SAMD4A: variants seen among roughly 807,000 people sequenced by gnomAD.
SAMD4A encodes the protein sterile alpha motif domain containing 4A, also known as protein Smaug homolog 1.
SAMD4A carries 33 observed loss-of-function variants against 81.3 expected under a neutral mutation model. The ratio of observed to expected loss-of-function variants is 0.41; its 90% CI spans 0.31 to 0.54. The LOEUF (loss-of-function observed/expected upper bound fraction) is 0.54. Ranked by LOEUF, SAMD4A falls within the 20% of genes least tolerant of loss-of-function variation. SAMD4A has a pLI of 0.37. For synonymous variants in SAMD4A, 389 were observed against 382.1 expected (o/e 1.02, Z -0.21); for missense variants, 854 against 951.1 (o/e 0.90, Z 1.34).
At chr14:54,714,205 T>A (rs923104163) in intron 3 of SAMD4A, among the ~76,000 whole-genome samples, 2 of 152,216 alleles carry the variant, frequency 1.3e-5, no homozygotes, top group Non-Finnish European at 2.9e-5. Flanking sequence ...AATACGTTAC[T>A]GTCTTTGATT....
At chr14:54,660,085 A>C (rs8022135) in intron 2 of SAMD4A, among the ~76,000 whole-genome samples, 1 of 151,244 alleles carries the variant, frequency 6.6e-6, no homozygotes, top group East Asian at 1.9e-4. Context: ...GTCTCAGAAA[A>C]AAAAAAAAAA....
In SAMD4A at chr14:54,590,438, C is replaced by T. The variant is rs191724078; in HGVS notation, c.196+22326C>T. On this transcript the variant is annotated intron_variant, in intron 2 of 12. Coordinates refer to ENST00000554335, the MANE Select transcript of SAMD4A (RefSeq NM_015589.6). ...CCCAGGAGGTCGAGGCTGCAGTGAG[C>T]CAAGATTGTGCCACTGAACTCCAGC... is the stretch of plus-strand genomic sequence containing the variant. Among the ~76,000 whole-genome samples, 5 of 152,218 alleles carry T rather than the reference C, an allele frequency of 3.3e-5. No homozygotes were observed. In the East Asian group the frequency reaches 9.7e-4, roughly 29 times the overall value.
intron 2 of SAMD4A, among the ~76,000 whole-genome samples, chr14:54,656,298 T>TC (rs2035520028): frequency 6.6e-6 from 1 of 152,222 alleles, no homozygotes; most frequent in African/African-American, 2.4e-5. Flanking sequence ...AGTTGACTAT[T>TC]CCTTGTTGAC....
At chr14:54,732,627 C>T (rs559174783) in intron 3 of SAMD4A, among the ~76,000 whole-genome samples, 98 of 152,178 alleles carry the variant, frequency 6.4e-4, no homozygotes, top group Middle Eastern at 3.4e-3. Flanking sequence ...CGCAATGTAT[C>T]TTTGACAAAT....
chr14:54,701,993 C>T, intron 2 of SAMD4A, 69 bp from the exon 3 acceptor site: 1 of 1,506,828 alleles, frequency 6.6e-7, no homozygotes, highest in Non-Finnish European at 9.0e-7. Context: ...TAAAAATTCT[C>T]TTTAGAGTAT....
chr14:54,649,125 T>C (rs1253894764), intron 2 of SAMD4A, among the ~76,000 whole-genome samples: 1 of 152,200 alleles, frequency 6.6e-6, no homozygotes, highest in Non-Finnish European at 1.5e-5. Flanking sequence ...CCAAACAAGA[T>C]AAAGTTTTGG....
At chr14:54,588,796 A>G (rs1005191288) in intron 2 of SAMD4A, among the ~76,000 whole-genome samples, 1 of 152,010 alleles carries the variant, frequency 6.6e-6, no homozygotes, top group Non-Finnish European at 1.5e-5. Context: ...ACTCTTTGTC[A>G]TATATATGGA....
intron 2 of SAMD4A, among the ~76,000 whole-genome samples, chr14:54,575,529 G>A (rs950589871): frequency 5.3e-5 from 8 of 152,130 alleles, no homozygotes; most frequent in African/African-American, 1.9e-4. Flanking sequence ...TGGAAGGCAG[G>A]GGGAGGAGAC....
chr14:54,727,887 C>T (rs978200619), intron 3 of SAMD4A, among the ~76,000 whole-genome samples: 1 of 152,162 alleles, frequency 6.6e-6, no homozygotes, highest in Non-Finnish European at 1.5e-5. Flanking sequence ...CAGCAGTAAA[C>T]AGGAGCAAAG....
chr14:54,742,502 A>G (rs938336854), intron 4 of SAMD4A, among the ~76,000 whole-genome samples: 6 of 152,138 alleles, frequency 3.9e-5, no homozygotes. Flanking sequence ...TCAGCATAAT[A>G]TTACACTTAC....
In SAMD4A at chr14:54,771,486, C is replaced by T. The variant is rs567570934; in HGVS notation, c.1715+1264C>T. Among the ~76,000 whole-genome samples, 12 of 152,270 alleles carry T rather than the reference C, an allele frequency of 7.9e-5. No individual in the cohort carries two copies. In the East Asian group the frequency reaches 2.1e-3, roughly 27 times the overall value. On this transcript the variant is annotated intron_variant, in intron 9 of 12. Coordinates refer to ENST00000554335, the MANE Select transcript of SAMD4A (RefSeq NM_015589.6). ...AGGATGATGAGCAGAAAAGATTGTT[C>T]AGGCAAAGCGACACTCTTCAGGACC...
At chr14:54,645,882 A>C (rs1391841656) in intron 2 of SAMD4A, among the ~76,000 whole-genome samples, 1 of 152,214 alleles carries the variant, frequency 6.6e-6, no homozygotes, top group Admixed American at 6.5e-5. Context: ...TTTTTTATAT[A>C]GTCAGTGGGA....
intron 2 of SAMD4A, among the ~76,000 whole-genome samples, chr14:54,642,702 G>C (rs1370230681): frequency 6.6e-6 from 1 of 152,184 alleles, no homozygotes; most frequent in Non-Finnish European, 1.5e-5. Context: ...CAGCTTCCTG[G>C]TATCAGGTTG....
Position 54,702,415 on chromosome 14 carries a change from G to C in SAMD4A, c.550G>C (p.Asp184His). The change falls in exon 3 of 13, where the codon GAT becomes CAT. Residue 184 changes from aspartate (D) to histidine (H), a missense_variant. Asp to His is a moderately conservative substitution (Grantham distance 81). Coordinates refer to ENST00000554335, the MANE Select transcript of SAMD4A (RefSeq NM_015589.6). The stretch of plus-strand genomic sequence containing the variant: ...CTACTATCACCAAAGACAGAACTCT[G>C]ATGACAAGCTCAATGGGTGGCAGAA... Reference protein sequence around the residue: ...THYYHQRQNSDDKLNGWQNSR... With the variant: ...THYYHQRQNSHDKLNGWQNSR... 6.2e-7 allele frequency: 1 copy of C among 1,614,168 alleles called. No individual in the cohort carries two copies. Among genetic ancestry groups the C allele is most frequent in the Non-Finnish European group, 8.5e-7 (1 of 1,180,004 alleles).
chr14:54,725,099 T>C (rs2037380805), intron 3 of SAMD4A, among the ~76,000 whole-genome samples: 1 of 152,200 alleles, frequency 6.6e-6, no homozygotes, highest in African/African-American at 2.4e-5. Flanking sequence ...ATTCATCTGC[T>C]CCAACCTCTT....
At chr14:54,786,219 G>C (rs183520660) in intron 12 of SAMD4A, among the ~76,000 whole-genome samples, 40 of 152,322 alleles carry the variant, frequency 2.6e-4, no homozygotes, top group African/African-American at 9.6e-4. Flanking sequence ...ACATTATGCT[G>C]AGTGAAACAA....
chr14:54,755,598 A>G (rs555119553), intron 6 of SAMD4A, among the ~76,000 whole-genome samples: 1 of 152,290 alleles, frequency 6.6e-6, no homozygotes, highest in East Asian at 1.9e-4. Context: ...TGGAGACGGA[A>G]CACTGTCCTC....
At chr14:54,684,976 C>T (rs1286387462) in intron 2 of SAMD4A, among the ~76,000 whole-genome samples, 1 of 152,220 alleles carries the variant, frequency 6.6e-6, no homozygotes, top group African/African-American at 2.4e-5. Flanking sequence ...GGCCAGGAAG[C>T]TGCAGGGGCC....
intron 2 of SAMD4A, among the ~76,000 whole-genome samples, chr14:54,683,962 C>G (rs17127755): frequency 0.037 from 5,685 of 152,226 alleles, 360 homozygotes; most frequent in African/African-American, 0.13. Flanking sequence ...TTTCCAAAGT[C>G]AATCCATTAC....
Sources: allele counts gnomAD v4.1 joint callset (sites outside exome capture counted in the v4.1 genomes callset), GRCh38; gene constraint gnomAD v4.1.1; transcripts MANE v1.5; gene names NCBI Gene and HGNC (gene_info 2026-07-23, HGNC 2026-07-21).